ZNF385D: variants seen among roughly 807,000 people sequenced by gnomAD.
The protein encoded by ZNF385D is zinc finger protein 659.
Under a neutral mutation model 35.8 loss-of-function variants are expected in ZNF385D, and 15 were observed. The observed-to-expected ratio is 0.42, with a 90% CI of 0.28 to 0.64. ZNF385D has a LOEUF of 0.64. Among genes scored for constraint, ZNF385D ranks in the 30% least tolerant of loss-of-function variants. The pLI is 0.23. For synonymous variants in ZNF385D, 212 were observed against 186.8 expected, an observed-to-expected ratio of 1.13 and a Z score of -1.10; for missense variants, 474 against 494.6, an observed-to-expected ratio of 0.96 and a Z score of 0.39.
chr3:21,967,797 G>T (rs1480160086), intron 3 of ZNF385D, among the ~76,000 whole-genome samples: 1 of 152,212 alleles, frequency 6.6e-6, no homozygotes, highest in East Asian at 1.9e-4. Flanking sequence ...AAGAGATTGG[G>T]AGGAAGTTGG....
At chr3:21,857,317 T>C (rs1461484320) in intron 3 of ZNF385D, among the ~76,000 whole-genome samples, 3 of 152,090 alleles carry the variant, frequency 2.0e-5, no homozygotes, top group African/African-American at 7.2e-5. Flanking sequence ...GGGCAAGGTT[T>C]CTTGATGTTT....
chr3:22,365,504 T>C (rs1246153856), intron 2 of ZNF385D, among the ~76,000 whole-genome samples: 1 of 152,090 alleles, frequency 6.6e-6, no homozygotes, highest in Non-Finnish European at 1.5e-5. Context: ...TTTTTTTTTG[T>C]TTGCAAACAA....
At chr3:22,118,666 C>T (rs541615061) in intron 3 of ZNF385D, among the ~76,000 whole-genome samples, 5 of 151,912 alleles carry the variant, frequency 3.3e-5, no homozygotes, top group South Asian at 2.1e-4. Context: ...AACAGCCTCT[C>T]GATGGTTAAG....
chr3:21,428,295 T>C (rs1575126195), intron 5 of ZNF385D, among the ~76,000 whole-genome samples: 1 of 152,106 alleles, frequency 6.6e-6, no homozygotes, highest in African/African-American at 2.4e-5. Flanking sequence ...ACAGCTACCC[T>C]ATGAGCTGGG....
In ZNF385D at chr3:21,739,665, C is replaced by G. The variant is rs949117544; in HGVS notation, c.22+11230G>C. On this transcript the variant is annotated intron_variant, in intron 1 of 7. Coordinates refer to ENST00000281523, the MANE Select transcript of ZNF385D (RefSeq NM_024697.3). ...AATGACTTCATTCCAGCTTGCCCAT[C>G]ATAACAAGGGCAGGAGATGATTTAA... is the stretch of plus-strand genomic sequence containing the variant. Among the ~76,000 whole-genome samples the G allele has an allele frequency of 2.6e-5, 4 of 152,164 alleles. No homozygotes were observed. In the South Asian group the frequency reaches 6.2e-4, roughly 24 times the overall value.
At chr3:21,767,593 A>G (rs1388339683) in intron 3 of ZNF385D, among the ~76,000 whole-genome samples, 1 of 151,946 alleles carries the variant, frequency 6.6e-6, no homozygotes, top group African/African-American at 2.4e-5. Context: ...GATTCACAGT[A>G]GGTGCCCAAT....
At chr3:22,143,158 C>T (rs1400533549) in intron 3 of ZNF385D, among the ~76,000 whole-genome samples, 1 of 150,838 alleles carries the variant, frequency 6.6e-6, no homozygotes, top group Admixed American at 6.6e-5. Flanking sequence ...TCTCCGCTCA[C>T]TCTAAGCTCC....
intron 3 of ZNF385D, among the ~76,000 whole-genome samples, chr3:22,010,304 C>T (rs73048190): frequency 6.6e-6 from 1 of 152,032 alleles, no homozygotes; most frequent in East Asian, 1.9e-4. Context: ...TGGAATACTT[C>T]GGAAATTTAC....
At chr3:22,193,654 C>T (rs987900484) in intron 2 of ZNF385D, among the ~76,000 whole-genome samples, 1 of 151,868 alleles carries the variant, frequency 6.6e-6, no homozygotes, top group Non-Finnish European at 1.5e-5. Context: ...ATTAGTGTTC[C>T]ATGAAACTTT....
chr3:21,651,332 A>AGGC (rs1201432370), intron 2 of ZNF385D, among the ~76,000 whole-genome samples: 1 of 146,820 alleles, frequency 6.8e-6, no homozygotes, highest in Non-Finnish European at 1.5e-5. Flanking sequence ...AAAAAGTCTA[A>AGGC]GGCTAAGAGC....
At position 21,468,401 on chromosome 3, in the gene ZNF385D, CAAA is replaced by C. The variant is rs1175784477; in HGVS notation, c.440-31201_440-31199del. Among the ~76,000 whole-genome samples the C allele has an allele frequency of 2.1e-3, 155 of 72,632 alleles. 1 individual carries two copies. The highest frequency in any genetic ancestry group is 8.8e-3 in the African/African-American group (150 of 17,026). 47.6% of individuals were successfully genotyped at this position (72,632 alleles called of 152,430 possible). On this transcript the variant is annotated intron_variant, in intron 4 of 7. Coordinates refer to ENST00000281523, the MANE Select transcript of ZNF385D (RefSeq NM_024697.3). ...TGGGCAACAGAGCAAGACACTGTCT[CAAA>C]AAAAAAAAAAAAAAAAAAAAGTATA...
rs1389020378 is a variant in ZNF385D, at chr3:21,964,435, A to G, written c.325+204382T>C. On this transcript the variant is annotated intron_variant, in intron 3 of 5. Transcript: ENST00000494108. ...TGTAAAAAAAAAAAAAAAAAAAAGA[A>G]AAAAAAAAAAAGAAAAAGATGTCCA... 2.2e-4 allele frequency among the ~76,000 whole-genome samples: 8 copies of G among 35,584 alleles called. 1 individual carries two copies. Among genetic ancestry groups the G allele is most frequent in the African/African-American group, 2.0e-3 (5 of 2,532 alleles). 23.3% of individuals were successfully genotyped at this position (35,584 alleles called of 152,430 possible). A position where few individuals can be genotyped will look rare whatever the true frequency, so the allele number is the denominator to read the frequency against.
chr3:22,073,280 TA>T (rs1279565463), intron 3 of ZNF385D, among the ~76,000 whole-genome samples: 1 of 150,960 alleles, frequency 6.6e-6, no homozygotes, highest in Non-Finnish European at 1.5e-5. Context: ...TTTTATTTTC[TA>T]AATTACTTTA....
intron 2 of ZNF385D, among the ~76,000 whole-genome samples, chr3:22,214,097 T>C (rs1697698783): frequency 6.6e-6 from 1 of 152,066 alleles, no homozygotes; most frequent in Non-Finnish European, 1.5e-5. Flanking sequence ...GCTGAAGCCA[T>C]GGCAGAAGAA....
chr3:21,911,570 T>C lies in ZNF385D; in HGVS notation c.326-246542A>G, dbSNP rs144473839. ...GTTTTGAGAATCAAATTATCTGAGATGATATTCATATATCACTTGACTGAA... is the reference window on the plus strand; with the variant it reads ...GTTTTGAGAATCAAATTATCTGAGACGATATTCATATATCACTTGACTGAA... On this transcript the variant is annotated intron_variant, in intron 3 of 5. Transcript: ENST00000494108. Among the ~76,000 whole-genome samples the C allele has an allele frequency of 3.7e-3, 556 of 152,148 alleles. 5 individuals are homozygous for C. Among genetic ancestry groups the C allele is most frequent in the African/African-American group, 0.012 (515 of 41,558 alleles).
intron 4 of ZNF385D, among the ~76,000 whole-genome samples, chr3:21,467,344 C>A (rs535553768): frequency 6.6e-6 from 1 of 152,024 alleles, no homozygotes; most frequent in South Asian, 2.1e-4. Context: ...GGCTTCTTTG[C>A]CAAAACATTA....
chr3:21,683,231 C>A (rs868039922), intron 1 of ZNF385D, among the ~76,000 whole-genome samples: 2 of 149,786 alleles, frequency 1.3e-5, no homozygotes, highest in South Asian at 4.3e-4. Context: ...CTATGACAAC[C>A]CCCAAGATTT....
At chr3:21,813,316 G>T (rs758384438) in intron 3 of ZNF385D, among the ~76,000 whole-genome samples, 5 of 152,170 alleles carry the variant, frequency 3.3e-5, no homozygotes, top group African/African-American at 1.2e-4. Flanking sequence ...ACAGCTCCTC[G>T]CCAGCAATGG....
chr3:22,003,471 AATT>A lies in ZNF385D; in HGVS notation c.325+165343_325+165345del, dbSNP rs1213691501. ...ACATCTTATGCTCATGGATTGGTAG[AATT>A]ATTATTTTTAAGAAAGACCATAGTA... On this transcript the variant is annotated intron_variant, in intron 3 of 5. Transcript: ENST00000494108. 3.3e-5 allele frequency among the ~76,000 whole-genome samples: 5 copies of A among 152,330 alleles called. No individual in the cohort carries two copies. The East Asian group carries it at 5.8e-4, about 18-fold the overall frequency.
Sources: gnomAD v4.1 joint callset for allele counts (sites outside exome capture counted in the v4.1 genomes callset) on GRCh38, gnomAD v4.1.1 for gene constraint, MANE v1.5 for transcripts, NCBI Gene and HGNC (gene_info 2026-07-23, HGNC 2026-07-21) for gene names.